Variants in SDK1 observed in about 807,000 individuals in gnomAD.
SDK1 encodes the protein protein sidekick-1.
Under a neutral mutation model 245.5 loss-of-function variants are expected in SDK1, and 157 were observed. The ratio of observed to expected loss-of-function variants is 0.64; its 90% CI spans 0.56 to 0.73. The LOEUF is 0.73. Ranked by LOEUF, SDK1 falls within the 30% of genes least tolerant of loss-of-function variation. The probability of loss-of-function intolerance (pLI) is 0.00; values close to 1 mark genes in which losing one functional copy is unlikely to be tolerated. For synonymous variants in SDK1, 1,647 were observed against 1,278.5 expected, an observed-to-expected ratio of 1.29 and a Z score of -6.15; for missense variants, 3,583 against 3,002.3, an observed-to-expected ratio of 1.19 and a Z score of -4.52.
chr7:3,426,209 T>C (rs995148471), intron 1 of SDK1, among the ~76,000 whole-genome samples: 1 of 152,138 alleles, frequency 6.6e-6, no homozygotes, highest in Non-Finnish European at 1.5e-5. Flanking sequence ...GCTGGTCCTG[T>C]AGTGCAGTCG....
In SDK1 at chr7:4,145,933, C is replaced by T. The variant is rs776081613; in HGVS notation, c.4423+17C>T. 1 of 1,580,768 alleles carries T rather than the reference C, an allele frequency of 6.3e-7. No homozygotes were observed. The highest frequency in any genetic ancestry group is 1.4e-5 in the African/African-American group (1 of 73,634). On this transcript the variant is annotated intron_variant, in intron 29 of 44. Coordinates refer to ENST00000404826, the MANE Select transcript of SDK1 (RefSeq NM_152744.4). Reference sequence around the variant, plus strand: ...AGAAGAGAGGTAAGACCTTGGGGGACCCGGGGGTACTGCAGATGTTGTGGG... The same window carrying T: ...AGAAGAGAGGTAAGACCTTGGGGGATCCGGGGGTACTGCAGATGTTGTGGG...
intron 36 of SDK1, among the ~76,000 whole-genome samples, chr7:4,207,048 C>G (rs1052106202): frequency 6.6e-5 from 10 of 152,212 alleles, no homozygotes; most frequent in African/African-American, 2.4e-4. Context: ...ATATTGATCT[C>G]AAGTTAGCAA....
intron 4 of SDK1, among the ~76,000 whole-genome samples, chr7:3,678,508 A>T (rs2114980378): frequency 6.6e-6 from 1 of 152,354 alleles, no homozygotes; most frequent in South Asian, 2.1e-4. Context: ...TCACTATGCT[A>T]AGTGAAACAA....
chr7:3,752,230 A>G (rs1011048041), intron 4 of SDK1, among the ~76,000 whole-genome samples: 1 of 152,210 alleles, frequency 6.6e-6, no homozygotes, highest in South Asian at 2.1e-4. Context: ...ACTGCAGTCT[A>G]TGTAATGAAT....
intron 19 of SDK1, among the ~76,000 whole-genome samples, chr7:4,056,531 C>A (rs964551483): frequency 6.6e-6 from 1 of 152,144 alleles, no homozygotes; most frequent in East Asian, 1.9e-4. Context: ...GGACTGAGAT[C>A]GGCTGGGAAC....
intron 1 of SDK1, among the ~76,000 whole-genome samples, chr7:3,465,445 T>A (rs71527446): frequency 2.2e-4 from 34 of 152,344 alleles, no homozygotes; most frequent in Admixed American, 9.8e-4. Context: ...AGACTGAAGT[T>A]GAGAAGTGTT....
At chr7:3,355,238 A>T (rs1409614817) in intron 1 of SDK1, among the ~76,000 whole-genome samples, 1 of 152,250 alleles carries the variant, frequency 6.6e-6, no homozygotes, top group African/African-American at 2.4e-5. Flanking sequence ...TAAATGCGTC[A>T]TTCACGTAGA....
intron 1 of SDK1, among the ~76,000 whole-genome samples, chr7:3,322,613 G>A (rs1481964217): frequency 6.6e-6 from 1 of 152,156 alleles, no homozygotes; most frequent in South Asian, 2.1e-4. Flanking sequence ...ATTCCAGTTG[G>A]TCAGATTGTT....
intron 22 of SDK1, among the ~76,000 whole-genome samples, chr7:4,089,418 G>T (rs1031668465): frequency 6.6e-6 from 1 of 152,262 alleles, no homozygotes; most frequent in Admixed American, 6.5e-5. Flanking sequence ...CGCCTCAGGG[G>T]GCCTCTGTGC....
intron 17 of SDK1, among the ~76,000 whole-genome samples, chr7:4,029,228 T>TTTTTTTTTTTTTTTTTTTTTTTGTG (rs746967075): frequency 5.4e-5 from 6 of 112,088 alleles, no homozygotes; most frequent in South Asian, 2.7e-4. Context: ...TTTTTTTTTT[T>TTTTTTTTTTTTTTTTTTTTTTTGTG]TGTGAAGAAG....
At chr7:3,543,533 C>T (rs1430153996) in intron 1 of SDK1, among the ~76,000 whole-genome samples, 2 of 152,176 alleles carry the variant, frequency 1.3e-5, no homozygotes, top group Non-Finnish European at 2.9e-5. Flanking sequence ...CACCTCTACT[C>T]GTAGGGAATA....
At chr7:3,664,250 G>C (rs1212629198) in intron 4 of SDK1, among the ~76,000 whole-genome samples, 1 of 152,068 alleles carries the variant, frequency 6.6e-6, no homozygotes, top group Non-Finnish European at 1.5e-5. Context: ...TCCGTCACTG[G>C]GAGGGTCTTG....
intron 5 of SDK1, among the ~76,000 whole-genome samples, chr7:3,824,601 T>G (rs1187782807): frequency 1.3e-5 from 2 of 152,138 alleles, no homozygotes; most frequent in Non-Finnish European, 2.9e-5. Context: ...TCTAGCCCTG[T>G]CTCAAAACAT....
chr7:3,434,671 G>A (rs1233049539), intron 1 of SDK1, among the ~76,000 whole-genome samples: 1 of 152,174 alleles, frequency 6.6e-6, no homozygotes, highest in East Asian at 1.9e-4. Flanking sequence ...CAACTTTACC[G>A]AGTGTGGATG....
Position 3,436,649 on chromosome 7 carries a change from A to G in SDK1, c.298+134765A>G, listed in dbSNP as rs561078797. ...TTATTAATGTTCTTGGCTATGAACC[A>G]TGTAATATTTTTCTCTTATTTTTAT... On this transcript the variant is annotated intron_variant, in intron 1 of 44. Coordinates refer to ENST00000404826, the MANE Select transcript of SDK1 (RefSeq NM_152744.4). Among the ~76,000 whole-genome samples the G allele has an allele frequency of 6.8e-4, 104 of 152,350 alleles. 1 individual carries two copies. The highest frequency in any genetic ancestry group is 2.2e-3 in the African/African-American group (93 of 41,590).
intron 1 of SDK1, among the ~76,000 whole-genome samples, chr7:3,350,029 C>T (rs905013134): frequency 6.6e-6 from 1 of 152,200 alleles, no homozygotes; most frequent in African/African-American, 2.4e-5. Context: ...GTGCCTCTCA[C>T]ATTTATGCCT....
At chr7:3,376,086 C>CT (rs1562449180) in intron 1 of SDK1, among the ~76,000 whole-genome samples, 1 of 152,000 alleles carries the variant, frequency 6.6e-6, no homozygotes, top group Non-Finnish European at 1.5e-5. Context: ...AATCCTAGTG[C>CT]TTTGGGAGGC....
chr7:3,418,187 C>T (rs929565772), intron 1 of SDK1, among the ~76,000 whole-genome samples: 6 of 140,838 alleles, frequency 4.3e-5, no homozygotes, highest in East Asian at 2.0e-4. Context: ...CTGGGTGGTG[C>T]GTGCCTGTAA....
intron 1 of SDK1, among the ~76,000 whole-genome samples, chr7:3,394,834 T>C (rs1781852008): frequency 6.6e-6 from 1 of 152,166 alleles, no homozygotes; most frequent in Admixed American, 6.5e-5. Context: ...TTGATTTTTA[T>C]ATATTGATCT....
Sources: gnomAD v4.1 joint callset for allele counts (sites outside exome capture counted in the v4.1 genomes callset) on GRCh38, gnomAD v4.1.1 for gene constraint, MANE v1.5 for transcripts, NCBI Gene and HGNC (gene_info 2026-07-23, HGNC 2026-07-21) for gene names.